MAPK8: variants seen among roughly 807,000 people sequenced by gnomAD.
MAPK8 encodes the protein JUN N-terminal kinase.
In MAPK8, 13 loss-of-function variants were observed where a neutral mutation model predicts 52.9. The observed-to-expected ratio is 0.25, with a 90% CI of 0.16 to 0.39. The LOEUF (loss-of-function observed/expected upper bound fraction) is 0.39, where lower values mean the gene tolerates loss of function less well. Among genes scored for constraint, MAPK8 ranks in the 10% least tolerant of loss-of-function variants. MAPK8 has a pLI of 1.00. For missense variants in MAPK8, 300 were observed against 519.2 expected (o/e 0.58, Z 4.10); for synonymous variants, 191 against 169.8 (o/e 1.12, Z -0.97).
chr10:48,438,780 GAC>G lies in MAPK8; in HGVS notation c.*3754_*3755del, dbSNP rs1283113765. The G allele has an allele frequency of 6.6e-6, 1 of 152,212 alleles. No homozygotes were observed. Among genetic ancestry groups the G allele is most frequent in the African/African-American group, 2.4e-5 (1 of 41,440 alleles). 9.4% of individuals were successfully genotyped at this position (152,212 alleles called of 1,614,324 possible). A position where few individuals can be genotyped will look rare whatever the true frequency, so the allele number is the denominator to read the frequency against. On this transcript the variant is annotated 3_prime_UTR_variant, in exon 12 of 12. Coordinates refer to ENST00000374189, the MANE Select transcript of MAPK8 (RefSeq NM_001323329.2). ...AAGTATATACCTTACATCAGTAAGAGACACGTGTAAAATCTTTGACTGTATGT... is the reference window on the plus strand; with the variant it reads ...AAGTATATACCTTACATCAGTAAGAGACGTGTAAAATCTTTGACTGTATGT...
intron 3 of MAPK8, among the ~76,000 whole-genome samples, chr10:48,405,570 A>G (rs1025322465): frequency 6.6e-6 from 1 of 152,240 alleles, no homozygotes; most frequent in African/African-American, 2.4e-5. Context: ...ATAAAGATAT[A>G]TAAGTTGCAC....
At chr10:48,334,600 C>T (rs1217633308) in intron 1 of MAPK8, among the ~76,000 whole-genome samples, 1 of 152,156 alleles carries the variant, frequency 6.6e-6, no homozygotes, top group East Asian at 1.9e-4. Context: ...TGTCTATGGC[C>T]TTTGCAAGGA....
intron 1 of MAPK8, among the ~76,000 whole-genome samples, chr10:48,349,233 A>G (rs1302698699): frequency 6.6e-6 from 1 of 152,170 alleles, no homozygotes; most frequent in African/African-American, 2.4e-5. Flanking sequence ...AAAATTAACA[A>G]GGATATCCAG....
intron 1 of MAPK8, among the ~76,000 whole-genome samples, chr10:48,401,351 T>C (rs921373623): frequency 3.3e-5 from 5 of 152,210 alleles, no homozygotes; most frequent in African/African-American, 2.4e-5. Flanking sequence ...TTGTAAGTTA[T>C]TAATGTATTA....
In MAPK8 at chr10:48,425,927, C is replaced by T; in HGVS notation, c.728C>T (p.Thr243Ile). Residue 243 changes from threonine (T) to isoleucine (I), a missense_variant, in exon 8 of 12, where the codon ACA becomes ATA. Around this residue, in one of 3 missense-constraint regions of MAPK8, gnomAD observed 147 missense variants for 328.1 expected, o/e 0.45. Transcript: ENST00000374189. ...AATAAAGTTATTGAACAGCTTGGAA[C>T]ACCATGTCCTGAATTCATGAAGAAA... ...QWNKVIEQLGTPCPEFMKKLQ... is the reference protein window; with the variant it reads ...QWNKVIEQLGIPCPEFMKKLQ... 6.2e-7 allele frequency: 1 copy of T among 1,610,918 alleles called. No homozygotes were observed.
intron 1 of MAPK8, among the ~76,000 whole-genome samples, chr10:48,332,609 C>CT (rs1170697550): frequency 2.0e-5 from 3 of 152,174 alleles, no homozygotes; most frequent in Admixed American, 6.5e-5. Context: ...GCTAAATAGT[C>CT]TAATTTCTTC....
chr10:48,310,704 T>G (rs1386014731), intron 1 of MAPK8, among the ~76,000 whole-genome samples: 1 of 151,974 alleles, frequency 6.6e-6, no homozygotes, highest in Non-Finnish European at 1.5e-5. Context: ...GCAGGCCAAA[T>G]TTCACTGAAA....
intron 1 of MAPK8, among the ~76,000 whole-genome samples, chr10:48,392,600 C>T (rs771989675): frequency 1.1e-4 from 16 of 152,012 alleles, no homozygotes; most frequent in Admixed American, 1.3e-4. Flanking sequence ...CCATTCTTTT[C>T]TTCCTTTTTG....
At chr10:48,405,005 T>C (rs1238251158) in intron 3 of MAPK8, 24 bp downstream of exon 3, 5 of 1,541,664 alleles carry the variant, frequency 3.2e-6, no homozygotes, top group Non-Finnish European at 4.4e-6. Flanking sequence ...TTTGGTTTCC[T>C]AAGTATAGAT....
At chr10:48,377,357 A>G (rs2040732492) in intron 1 of MAPK8, among the ~76,000 whole-genome samples, 1 of 57,994 alleles carries the variant, frequency 1.7e-5, no homozygotes. Flanking sequence ...TTAAAGTATA[A>G]TTTAAAAAAA....
At chr10:48,330,555 G>A (rs565164402) in intron 1 of MAPK8, among the ~76,000 whole-genome samples, 52 of 152,236 alleles carry the variant, frequency 3.4e-4, no homozygotes, top group African/African-American at 1.2e-3. Context: ...ACATTCACCC[G>A]TCCAAACCCA....
At position 48,367,016 on chromosome 10, in the gene MAPK8, C is replaced by T. The variant is rs1441679298; in HGVS notation, c.-49-34596C>T. Reference sequence around the variant, plus strand: ...CAAGAAATATCTGAAGTACCAAGCCCACAAAGGAAAATTTAATATTGATTG... The same window carrying T: ...CAAGAAATATCTGAAGTACCAAGCCTACAAAGGAAAATTTAATATTGATTG... On this transcript the variant is annotated intron_variant, in intron 1 of 11. Coordinates refer to ENST00000374189, the MANE Select transcript of MAPK8 (RefSeq NM_001323329.2). Among the ~76,000 whole-genome samples, 5 of 152,164 alleles carry T rather than the reference C, an allele frequency of 3.3e-5. No homozygotes were observed. In the East Asian group the frequency reaches 5.8e-4, roughly 18 times the overall value.
chr10:48,357,625 T>C (rs1485380508), intron 1 of MAPK8, among the ~76,000 whole-genome samples: 1 of 152,172 alleles, frequency 6.6e-6, no homozygotes, highest in African/African-American at 2.4e-5. Flanking sequence ...CTCGAACCCC[T>C]GGGCTCAAGC....
intron 10 of MAPK8, among the ~76,000 whole-genome samples, chr10:48,428,046 C>G (rs554905914): frequency 6.6e-6 from 1 of 152,260 alleles, no homozygotes; most frequent in Admixed American, 6.5e-5. Flanking sequence ...CAGTTATTTC[C>G]AAATTACTCT....
intron 1 of MAPK8, among the ~76,000 whole-genome samples, chr10:48,323,109 T>C (rs899899657): frequency 1.3e-5 from 2 of 152,058 alleles, no homozygotes; most frequent in African/African-American, 4.8e-5. Flanking sequence ...ATTATAGAAA[T>C]TATTAGAAAA....
intron 1 of MAPK8, among the ~76,000 whole-genome samples, chr10:48,317,103 T>C (rs1842575245): frequency 6.6e-6 from 1 of 152,182 alleles, no homozygotes; most frequent in Admixed American, 6.5e-5. Flanking sequence ...GGGAAGTTGT[T>C]GGTGATCTTG....
intron 1 of MAPK8, among the ~76,000 whole-genome samples, chr10:48,388,238 T>A (rs2041426079): frequency 1.3e-5 from 2 of 152,226 alleles, no homozygotes; most frequent in Admixed American, 1.3e-4. Flanking sequence ...CTCGTTAGCC[T>A]CACCTTTCTG....
intron 7 of MAPK8, chr10:48,425,545 T>G (rs1270740210): frequency 3.0e-6 from 1 of 328,918 alleles, no homozygotes; most frequent in Admixed American, 4.5e-5. Flanking sequence ...TTGTATATTA[T>G]TATAGCATTG....
Position 48,439,265 on chromosome 10 carries a change from A to C in MAPK8, c.*4236A>C, listed in dbSNP as rs1202596992. On this transcript the variant is annotated 3_prime_UTR_variant, in exon 12 of 12. Coordinates refer to ENST00000374189, the MANE Select transcript of MAPK8 (RefSeq NM_001323329.2). ...TCATCATTCATGCCCTAGTCATTAA[A>C]CATGCACCACTGGAATGTAAACAAT... is the stretch of plus-strand genomic sequence containing the variant. 1.3e-5 allele frequency: 2 copies of C among 149,766 alleles called. No individual in the cohort carries two copies. The highest frequency in any genetic ancestry group is 2.5e-5 in the African/African-American group (1 of 40,408). The allele number at this position is 149,766 out of a possible 1,614,324, so 9.3% of individuals were successfully genotyped here.
Sources: gnomAD v4.1 joint callset for allele counts (sites outside exome capture counted in the v4.1 genomes callset) on GRCh38, gnomAD v4.1.1 for gene constraint, gnomAD v4.1.1 regional missense constraint, MANE v1.5 for transcripts, NCBI Gene and HGNC (gene_info 2026-07-23, HGNC 2026-07-21) for gene names.